FOXK2: variants seen among roughly 807,000 people sequenced by gnomAD.
The protein encoded by FOXK2 is forkhead box K2.
FOXK2 carries 24 observed loss-of-function variants against 53.3 expected under a neutral mutation model. That is an observed-to-expected ratio of 0.45 (90% CI 0.33 to 0.63). The LOEUF is 0.63. FOXK2 is among the 30% of genes least tolerant of loss of function. The pLI is 0.03. For synonymous variants in FOXK2, 505 were observed against 407.1 expected (o/e 1.24, Z -2.89); for missense variants, 952 against 910.5 (o/e 1.05, Z -0.59).
At chr17:82,525,762 A>G (rs1467928232) in intron 1 of FOXK2, among the ~76,000 whole-genome samples, 1 of 152,344 alleles carries the variant, frequency 6.6e-6, no homozygotes, top group Non-Finnish European at 1.5e-5. Context: ...ATTGCCTACA[A>G]CTATTTAACG....
intron 1 of FOXK2, among the ~76,000 whole-genome samples, chr17:82,529,550 G>C (rs977282740): frequency 2.0e-5 from 3 of 152,100 alleles, no homozygotes; most frequent in Non-Finnish European, 4.4e-5. Flanking sequence ...CCCACTCCCA[G>C]CTAATTTTTG....
At chr17:82,563,843 C>G (rs917792361) in intron 2 of FOXK2, among the ~76,000 whole-genome samples, 1 of 150,170 alleles carries the variant, frequency 6.7e-6, no homozygotes, top group African/African-American at 2.5e-5. Flanking sequence ...CCTCTGCCTC[C>G]CAGGTTCAAG....
chr17:82,592,743 C>T (rs1378380370), intron 8 of FOXK2, among the ~76,000 whole-genome samples: 1 of 152,248 alleles, frequency 6.6e-6, no homozygotes, highest in East Asian at 1.9e-4. Flanking sequence ...GGGTTCTCTG[C>T]ATCTCAGCTG....
chr17:82,598,865 G>A (rs2045347535), intron 8 of FOXK2: 1 of 152,062 alleles, frequency 6.6e-6, no homozygotes, highest in Non-Finnish European at 1.5e-5. Flanking sequence ...CTCTCTCTGT[G>A]GGGGCCACCC....
In FOXK2 at chr17:82,563,405, G is replaced by A. The variant is rs759320912; in HGVS notation, c.471G>A (p.Leu157=). 9 of 1,614,156 alleles carry A rather than the reference G, an allele frequency of 5.6e-6. No individual in the cohort carries two copies. In the African/African-American group the frequency reaches 1.2e-4, roughly 22 times the overall value. Residue 157 remains leucine (L), a synonymous_variant, in exon 2 of 9, where the codon CTG becomes CTA. Transcript: ENST00000335255. ...STNIKITFTA[L]SSEKREKQEA... The stretch of plus-strand genomic sequence containing the variant: ...ACATCAAGATAACGTTCACTGCCCT[G>A]TCCAGCGAGAAGAGAGAGAAGCAGG...
intron 1 of FOXK2, among the ~76,000 whole-genome samples, chr17:82,537,138 G>T (rs753980508): frequency 5.3e-5 from 8 of 152,212 alleles, no homozygotes; most frequent in Non-Finnish European, 1.0e-4. Flanking sequence ...GTGGGGGCCA[G>T]CCTCCAGCTG....
chr17:82,584,301 T>C, intron 6 of FOXK2, 113 bp downstream of exon 6: 2 of 1,105,384 alleles, frequency 1.8e-6, no homozygotes, highest in South Asian at 3.9e-5. Context: ...CCTCTGTACC[T>C]TATACTAGTA....
At position 82,563,542 on chromosome 17, in the gene FOXK2, C is replaced by T; in HGVS notation, c.608C>T (p.Thr203Ile). ...LISPLPSPTG[T>I]ISAANSCPSS... ...AGCCCTCTGCCCTCCCCCACGGGAA[C>T]CATCAGGTGCGGCCATGGGGATGGG... The change falls in exon 2 of 9, where the codon ACC becomes ATC. Residue 203 changes from threonine to isoleucine, a missense_variant. This residue lies in a region of FOXK2 where 76 missense variants were observed against 128.2 expected (regional missense o/e 0.59). Coordinates refer to ENST00000335255, the MANE Select transcript of FOXK2 (RefSeq NM_004514.4). 1 of 1,612,858 alleles carries T rather than the reference C, an allele frequency of 6.2e-7. No homozygotes were observed. Among genetic ancestry groups the T allele is most frequent in the Non-Finnish European group, 8.5e-7 (1 of 1,179,260 alleles).
chr17:82,568,969 G>A (rs147205149), intron 3 of FOXK2, among the ~76,000 whole-genome samples: 28,223 of 152,180 alleles, frequency 0.19, 2,975 homozygotes, highest in Non-Finnish European at 0.24. Flanking sequence ...CTGAGATCAC[G>A]CCACTGAACT....
chr17:82,586,988 A>T, intron 7 of FOXK2, 75 bp from the exon 8 acceptor site: 1 of 1,363,968 alleles, frequency 7.3e-7, no homozygotes, highest in Non-Finnish European at 1.0e-6. Flanking sequence ...CTATCTGGTT[A>T]TTATGTTTTA....
chr17:82,576,832 C>T, intron 4 of FOXK2: 1 of 558,542 alleles, frequency 1.8e-6, no homozygotes, highest in Non-Finnish European at 3.2e-6. Flanking sequence ...AAATCCGCTC[C>T]AGCAGCTGTT....
At chr17:82,539,355 A>G (rs2044552653) in intron 1 of FOXK2, among the ~76,000 whole-genome samples, 1 of 151,502 alleles carries the variant, frequency 6.6e-6, no homozygotes, top group South Asian at 2.1e-4. Flanking sequence ...TAATCTCAGC[A>G]CTGTAAGGTG....
In FOXK2 at chr17:82,587,144, C is replaced by T. The variant is rs541799688; in HGVS notation, c.1658C>T (p.Pro553Leu). 6.2e-6 allele frequency: 10 copies of T among 1,613,128 alleles called. No individual in the cohort carries two copies. Among genetic ancestry groups the T allele is most frequent in the South Asian group, 2.2e-5 (2 of 91,086 alleles). Residue 553 changes from proline (P) to leucine (L), a missense_variant, in exon 8 of 9, where the codon CCG becomes CTG. This residue lies in a region of FOXK2 where 551 missense variants were observed against 385.1 expected (regional missense o/e 1.43). Transcript: ENST00000335255. Reference sequence around the variant, plus strand: ...ATCATTCAGACGGCACAGACCACCCCGGTCCAGACGGTGACCATAGTACAA... The same window carrying T: ...ATCATTCAGACGGCACAGACCACCCTGGTCCAGACGGTGACCATAGTACAA... ...SRIIQTAQTT[P>L]VQTVTIVQQA...
At position 82,586,499 on chromosome 17, in the gene FOXK2, CCGGGGGGG is replaced by C. The variant is rs2045166836; in HGVS notation, c.1576+300_1576+307del. Among the ~76,000 whole-genome samples the C allele has an allele frequency of 2.9e-4, 4 of 13,858 alleles. 1 individual carries two copies. Among genetic ancestry groups the C allele is most frequent in the Admixed American group, 2.2e-3 (2 of 904 alleles). The allele number at this position is 13,858 out of a possible 152,430, so 9.1% of individuals were successfully genotyped here. ...AGACCACAGGGAGGTCAAAGGTGGG[CCGGGGGGG>C]AAAGGAGGAGAGGGGAGACCACAGG... is the stretch of plus-strand genomic sequence containing the variant. On this transcript the variant is annotated intron_variant, in intron 7 of 8. Coordinates refer to ENST00000335255, the MANE Select transcript of FOXK2 (RefSeq NM_004514.4).
rs188748007 is a variant in FOXK2, at chr17:82,551,124, T to C, written c.420-12230T>C. On this transcript the variant is annotated intron_variant, in intron 1 of 8. Coordinates refer to ENST00000335255, the MANE Select transcript of FOXK2 (RefSeq NM_004514.4). ...CAAGCTCAGGAGACTGAGACCATCCTGGCTAACACGGTGAAACCCCGTCTC... is the reference window on the plus strand; with the variant it reads ...CAAGCTCAGGAGACTGAGACCATCCCGGCTAACACGGTGAAACCCCGTCTC... Among the ~76,000 whole-genome samples the C allele has an allele frequency of 3.7e-3, 555 of 150,410 alleles. 2 individuals are homozygous for C. The highest frequency in any genetic ancestry group is 5.5e-3 in the Non-Finnish European group (374 of 67,614).
intron 1 of FOXK2, among the ~76,000 whole-genome samples, chr17:82,536,883 T>C (rs941635119): frequency 6.6e-6 from 1 of 152,226 alleles, no homozygotes; most frequent in Non-Finnish European, 1.5e-5. Flanking sequence ...GGGTTTGAAA[T>C]GTTTTTAAGC....
chr17:82,568,339 C>G, intron 3 of FOXK2, 138 bp downstream of exon 3: 1 of 1,008,074 alleles, frequency 9.9e-7, no homozygotes, highest in Non-Finnish European at 1.5e-6. Context: ...GGGCTTGATT[C>G]TGGTGTTGCT....
At chr17:82,599,759 C>T (rs1419212701) in intron 8 of FOXK2, 3 of 152,324 alleles carry the variant, frequency 2.0e-5, no homozygotes, top group Non-Finnish European at 1.5e-5. Flanking sequence ...CGGTCTCTGA[C>T]CAGCCAGCGT....
intron 1 of FOXK2, among the ~76,000 whole-genome samples, chr17:82,536,548 T>G (rs1217161626): frequency 6.6e-6 from 1 of 152,234 alleles, no homozygotes; most frequent in African/African-American, 2.4e-5. Flanking sequence ...TGTGTTTAGT[T>G]GGTGTTTTGA....
Sources: gnomAD v4.1 joint callset for allele counts (sites outside exome capture counted in the v4.1 genomes callset) on GRCh38, gnomAD v4.1.1 for gene constraint, gnomAD v4.1.1 regional missense constraint, MANE v1.5 for transcripts, NCBI Gene and HGNC (gene_info 2026-07-23, HGNC 2026-07-21) for gene names.